The following ROBO2 variants were observed in gnomAD, a reference collection of about 807,000 sequenced individuals.
The protein encoded by ROBO2 is roundabout homolog 2.
Under a neutral mutation model 160.8 loss-of-function variants are expected in ROBO2, and 53 were observed. The observed-to-expected ratio is 0.33, with a 90% CI of 0.26 to 0.41. ROBO2 has a LOEUF of 0.41. Among genes scored for constraint, ROBO2 ranks in the 10% least tolerant of loss-of-function variants. The pLI is 1.00. For missense variants in ROBO2, 1,577 were observed against 1,722.4 expected, an observed-to-expected ratio of 0.92 and a Z score of 1.49; for synonymous variants, 664 against 611.7, an observed-to-expected ratio of 1.09 and a Z score of -1.26.
intron 2 of ROBO2, among the ~76,000 whole-genome samples, chr3:76,579,399 C>A (rs367756774): frequency 6.6e-6 from 1 of 151,866 alleles, no homozygotes; most frequent in Non-Finnish European, 1.5e-5. Context: ...TTTACTCTTT[C>A]TCTTCTTAAA....
At chr3:76,674,598 TCACACACACA>T (rs71104613) in intron 2 of ROBO2, among the ~76,000 whole-genome samples, 9 of 148,166 alleles carry the variant, frequency 6.1e-5, no homozygotes, top group African/African-American at 1.7e-4. Flanking sequence ...ACCTCCTAGT[TCACACACACA>T]CACACACACA....
intron 2 of ROBO2, among the ~76,000 whole-genome samples, chr3:76,731,618 A>G (rs1417425442): frequency 2.0e-5 from 3 of 152,174 alleles, no homozygotes; most frequent in Admixed American, 6.5e-5. Flanking sequence ...TGACTCTGTT[A>G]CTGTATTTGG....
chr3:77,578,098 A>C (rs1377235976), intron 15 of ROBO2, among the ~76,000 whole-genome samples: 1 of 151,806 alleles, frequency 6.6e-6, no homozygotes, highest in Admixed American at 6.7e-5. Flanking sequence ...TGTGTAGAAT[A>C]TTTCACCTGA....
intron 2 of ROBO2, among the ~76,000 whole-genome samples, chr3:76,304,796 T>TTCTC (rs763396316): frequency 6.9e-6 from 1 of 144,954 alleles, no homozygotes; most frequent in Non-Finnish European, 1.5e-5. Context: ...CTTTCTTTCT[T>TTCTC]TCTCTTTCTT....
chr3:76,532,706 C>A (rs773426802), intron 2 of ROBO2, among the ~76,000 whole-genome samples: 19 of 152,188 alleles, frequency 1.2e-4, no homozygotes, highest in Admixed American at 5.2e-4. Context: ...TTAAAAGATG[C>A]ATGTTCTAAG....
intron 2 of ROBO2, among the ~76,000 whole-genome samples, chr3:77,018,405 A>T (rs1235118939): frequency 6.6e-6 from 1 of 152,110 alleles, no homozygotes; most frequent in Non-Finnish European, 1.5e-5. Context: ...AATATATCCT[A>T]TTTCTAACAT....
chr3:77,297,568 T>G (rs1233648779), intron 2 of ROBO2, among the ~76,000 whole-genome samples: 1 of 152,126 alleles, frequency 6.6e-6, no homozygotes, highest in African/African-American at 2.4e-5. Flanking sequence ...AAACCTTGCC[T>G]CCTCTGGAAG....
chr3:77,445,155 TGA>T (rs2153557393), intron 2 of ROBO2, among the ~76,000 whole-genome samples: 1 of 152,298 alleles, frequency 6.6e-6, no homozygotes, highest in African/African-American at 2.4e-5. Context: ...CTTAAGAAGA[TGA>T]AGACAGGAGA....
intron 2 of ROBO2, among the ~76,000 whole-genome samples, chr3:77,330,645 C>T (rs901221459): frequency 6.6e-6 from 1 of 152,022 alleles, no homozygotes; most frequent in African/African-American, 2.4e-5. Flanking sequence ...TTTTGTGATG[C>T]GTCTTTAAGG....
intron 2 of ROBO2, among the ~76,000 whole-genome samples, chr3:75,949,023 T>C (rs1948436327): frequency 1.3e-5 from 2 of 152,146 alleles, no homozygotes; most frequent in Non-Finnish European, 2.9e-5. Flanking sequence ...AATGTGTAAC[T>C]CTTACACAAA....
intron 2 of ROBO2, among the ~76,000 whole-genome samples, chr3:75,950,824 T>A (rs1416087995): frequency 6.6e-6 from 1 of 152,040 alleles, no homozygotes; most frequent in African/African-American, 2.4e-5. Context: ...TATGTGTGAG[T>A]GCACCTGCAA....
At chr3:77,294,501 CATTAA>C (rs1560464582) in intron 2 of ROBO2, among the ~76,000 whole-genome samples, 24 of 144,960 alleles carry the variant, frequency 1.7e-4, no homozygotes, top group African/African-American at 6.3e-4. Context: ...TCACCCCAGA[CATTAA>C]GTAAAATTGA....
chr3:76,446,653 G>T (rs566644597), intron 2 of ROBO2, among the ~76,000 whole-genome samples: 1 of 152,096 alleles, frequency 6.6e-6, no homozygotes, highest in African/African-American at 2.4e-5. Flanking sequence ...CTACAAGGCT[G>T]CAGTAACCAA....
At position 77,602,198 on chromosome 3, in the gene ROBO2, T is replaced by C. The variant is rs1284358842; in HGVS notation, c.2855-12T>C. The stretch of plus-strand genomic sequence containing the variant: ...CTCATTAAATTGTTTCATTTCCCTA[T>C]GTTCACCACAGATGTGCTGCCACCA... On this transcript the variant is annotated splice_polypyrimidine_tract_variant and intron_variant, in intron 19 of 25. Coordinates refer to ENST00000461745, the Ensembl canonical transcript of ROBO2. 6 of 1,614,160 alleles carry C rather than the reference T, an allele frequency of 3.7e-6. No individual in the cohort carries two copies. The East Asian group carries it at 8.9e-5, about 24-fold the overall frequency.
At chr3:77,031,266 T>A (rs1457287415) in intron 2 of ROBO2, among the ~76,000 whole-genome samples, 1 of 152,066 alleles carries the variant, frequency 6.6e-6, no homozygotes, top group Non-Finnish European at 1.5e-5. Flanking sequence ...ATAGCCGTTT[T>A]TGTTTGAGAT....
intron 1 of ROBO2, among the ~76,000 whole-genome samples, chr3:77,055,295 T>C (rs2065628998): frequency 6.6e-6 from 1 of 152,182 alleles, no homozygotes; most frequent in East Asian, 1.9e-4. Flanking sequence ...GGTGTCTATA[T>C]AAAATCCATT....
chr3:76,693,561 G>A (rs549307039), intron 2 of ROBO2, among the ~76,000 whole-genome samples: 60 of 151,906 alleles, frequency 3.9e-4, no homozygotes, highest in African/African-American at 7.7e-4. Flanking sequence ...TTTTGGAGGC[G>A]GAGAAGTCCC....
At chr3:76,476,705 C>T (rs866153154) in intron 2 of ROBO2, among the ~76,000 whole-genome samples, 2 of 152,212 alleles carry the variant, frequency 1.3e-5, no homozygotes, top group Middle Eastern at 3.4e-3. Context: ...TATAGCTGGA[C>T]AGAGGGCTAA....
intron 2 of ROBO2, among the ~76,000 whole-genome samples, chr3:76,217,743 A>G (rs7612559): frequency 0.97 from 148,129 of 152,244 alleles, 72,194 homozygotes; most frequent in East Asian, 1. Context: ...ACAAGGAGGA[A>G]CTGGTACCAT....
Sources: gnomAD v4.1 joint callset for allele counts (sites outside exome capture counted in the v4.1 genomes callset) on GRCh38, gnomAD v4.1.1 for gene constraint, MANE v1.5 for transcripts, NCBI Gene and HGNC (gene_info 2026-07-23, HGNC 2026-07-21) for gene names.